TSPO: variants seen among roughly 807,000 people sequenced by gnomAD.
The protein encoded by TSPO is translocator protein, also known as benzodiazepine peripheral binding site.
A neutral mutation model predicts 13.9 loss-of-function variants in TSPO; 14 were observed. The ratio of observed to expected loss-of-function variants is 1.01; its 90% CI spans 0.67 to 1.58. The LOEUF (loss-of-function observed/expected upper bound fraction) is 1.58, where lower values mean the gene tolerates loss of function less well. TSPO is among the 40% of genes most tolerant of loss of function. The pLI is 0.00. For missense variants in TSPO, 232 were observed against 229.6 expected, an observed-to-expected ratio of 1.01 and a Z score of -0.07; for synonymous variants, 114 against 105.9, an observed-to-expected ratio of 1.08 and a Z score of -0.47.
At chr22:43,155,296 G>A (rs1601754560) in intron 1 of TSPO, among the ~76,000 whole-genome samples, 1 of 152,170 alleles carries the variant, frequency 6.6e-6, no homozygotes, top group African/African-American at 2.4e-5. Context: ...TGAACAAGGC[G>A]GTGACCGTCG....
intron 1 of TSPO, 66 bp from the exon 2 acceptor site, chr22:43,159,144 G>A: frequency 1.5e-5 from 19 of 1,273,748 alleles, no homozygotes; most frequent in Non-Finnish European, 2.0e-5. Flanking sequence ...GGGGATGCTG[G>A]AGGAGACACG....
intron 3 of TSPO, among the ~76,000 whole-genome samples, chr22:43,162,377 C>T (rs771504581): frequency 1.6e-4 from 24 of 152,192 alleles, no homozygotes; most frequent in Non-Finnish European, 2.9e-4. Context: ...CCGTCTCAGC[C>T]TCCCAAAGTG....
Position 43,159,372 on chromosome 22 carries a change from C to G in TSPO, c.134C>G (p.Pro45Arg). The change falls in exon 2 of 4, where the codon CCC (proline) becomes CGC (arginine). Residue 45 changes from proline to arginine, a missense_variant. Coordinates refer to ENST00000337554, the MANE Select transcript of TSPO (RefSeq NM_000714.6). ...CTGCAGAAGCCCTCGTGGCACCCGC[C>G]CCACTGGGTGCTGGGCCCTGTCTGG... Reference protein sequence around the residue: ...AGLQKPSWHPPHWVLGPVWGT... With the variant: ...AGLQKPSWHPRHWVLGPVWGT... 2 of 1,544,358 alleles carry G rather than the reference C, an allele frequency of 1.3e-6. No individual in the cohort carries two copies. The highest frequency in any genetic ancestry group is 1.7e-6 in the Non-Finnish European group (2 of 1,145,574).
At position 43,161,023 on chromosome 22, in the gene TSPO, G is replaced by A. The variant is rs746757983; in HGVS notation, c.183-29G>A. 1.7e-5 allele frequency: 28 copies of A among 1,600,382 alleles called. No individual in the cohort carries two copies. In the Admixed American group the frequency reaches 4.8e-4, roughly 27 times the overall value. ...CAACGCTCCTGGCCTTGTTCCTAAT[G>A]GTGCTCTGAACTGCGGCCTCTGTTT... On this transcript the variant is annotated intron_variant, in intron 2 of 3. Transcript: ENST00000337554.
At chr22:43,159,539 A>C (rs746005390) in intron 2 of TSPO, 119 bp downstream of exon 2, 260 of 1,121,372 alleles carry the variant, frequency 2.3e-4, no homozygotes, top group Non-Finnish European at 3.0e-4. Context: ...CCCCAGCCCC[A>C]TTTGGCAAGC....
At chr22:43,156,792 G>C (rs931608869) in intron 1 of TSPO, among the ~76,000 whole-genome samples, 6 of 152,188 alleles carry the variant, frequency 3.9e-5, no homozygotes, top group African/African-American at 1.4e-4. Flanking sequence ...GGTTCGGGAT[G>C]TCCACGTGTC....
intron 1 of TSPO, among the ~76,000 whole-genome samples, chr22:43,154,541 A>G (rs1003418654): frequency 1.6e-4 from 21 of 128,966 alleles, no homozygotes; most frequent in African/African-American, 5.1e-4. Flanking sequence ...TATTTTTAGT[A>G]GAGACGGGGT....
rs1321848944 is a variant in TSPO, at chr22:43,159,228, C to G, written c.-11C>G. 6.5e-7 allele frequency: 1 copy of G among 1,535,322 alleles called. No homozygotes were observed. The highest frequency in any genetic ancestry group is 8.8e-7 in the Non-Finnish European group (1 of 1,139,402). The stretch of plus-strand genomic sequence containing the variant: ...CTTTCAGAGCTCCCCTGAACAGCAG[C>G]TGCAGCAGCCATGGCCCCGCCCTGG... On this transcript the variant is annotated 5_prime_UTR_variant, in exon 2 of 4. Coordinates refer to ENST00000337554, the MANE Select transcript of TSPO (RefSeq NM_000714.6).
Position 43,159,541 on chromosome 22 carries a change from T to C in TSPO, c.182+121T>C, listed in dbSNP as rs1044995476. 21 of 1,114,266 alleles carry C rather than the reference T, an allele frequency of 1.9e-5. No homozygotes were observed. In the Admixed American group the frequency reaches 2.4e-4, roughly 12 times the overall value. 69.0% of individuals were successfully genotyped at this position (1,114,266 alleles called of 1,614,324 possible). ...CATGGCATGGTTTCCCCAGCCCCAT[T>C]TGGCAAGCCAGGGTGGGGAAGCTGT... On this transcript the variant is annotated intron_variant, in intron 2 of 3. Transcript: ENST00000337554.
At chr22:43,153,336 C>CTTT (rs1052119233) in intron 1 of TSPO, among the ~76,000 whole-genome samples, 3 of 50,746 alleles carry the variant, frequency 5.9e-5, no homozygotes, top group African/African-American at 2.0e-4. Context: ...TTTGTGTTTT[C>CTTT]TTTTTTTTTT....
At chr22:43,153,936 G>A (rs1601753501) in intron 1 of TSPO, among the ~76,000 whole-genome samples, 1 of 152,068 alleles carries the variant, frequency 6.6e-6, no homozygotes, top group African/African-American at 2.4e-5. Flanking sequence ...GTAGAGATGG[G>A]TTTCACCATG....
chr22:43,157,628 G>A (rs1222576882), intron 1 of TSPO, among the ~76,000 whole-genome samples: 4 of 152,162 alleles, frequency 2.6e-5, no homozygotes, highest in Non-Finnish European at 5.9e-5. Flanking sequence ...TCAGGAGTTT[G>A]AGACCAGCCC....
At chr22:43,154,283 C>T (rs868221033) in intron 1 of TSPO, among the ~76,000 whole-genome samples, 32 of 150,814 alleles carry the variant, frequency 2.1e-4, no homozygotes, top group African/African-American at 7.3e-4. Flanking sequence ...AGCTGGGGGT[C>T]GGGGTGGGGA....
At chr22:43,159,466 A>AT in intron 2 of TSPO, 46 bp downstream of exon 2, 1 of 1,400,796 alleles carries the variant, frequency 7.1e-7, no homozygotes, top group Non-Finnish European at 9.3e-7. Context: ...GCCCTTTGCA[A>AT]GGGGAGGCCT....
At chr22:43,160,332 A>G (rs192572690) in intron 2 of TSPO, among the ~76,000 whole-genome samples, 2 of 152,306 alleles carry the variant, frequency 1.3e-5, no homozygotes, top group South Asian at 4.1e-4. Flanking sequence ...AGTAGGTGAC[A>G]GCCGGGGCTC....
chr22:43,157,197 G>C (rs1299788413), intron 1 of TSPO, among the ~76,000 whole-genome samples: 1 of 148,872 alleles, frequency 6.7e-6, no homozygotes, highest in African/African-American at 2.6e-5. Flanking sequence ...GCCCCAGGGA[G>C]GGTGGCCTTT....
chr22:43,162,999 G>C lies in TSPO; in HGVS notation c.*8G>C. 6.3e-7 allele frequency: 1 copy of C among 1,579,604 alleles called. No individual in the cohort carries two copies. Among genetic ancestry groups the C allele is most frequent in the Non-Finnish European group, 8.6e-7 (1 of 1,163,438 alleles). ...CGGCGGCTGCCAGAGTGAGTGCCCGGCCCACCAGGGACTGCAGCTGCACCA... is the reference window on the plus strand; with the variant it reads ...CGGCGGCTGCCAGAGTGAGTGCCCGCCCCACCAGGGACTGCAGCTGCACCA... On this transcript the variant is annotated 3_prime_UTR_variant, in exon 4 of 4. Transcript: ENST00000337554.
rs772665846 is a variant in TSPO at position 43,162,850 on chromosome 22, C to T, written c.369C>T (p.Thr123=). The part of the protein sequence containing the change: ...LLVSGAAAAT[T]VAWYQVSPLA... ...TCAGTGGGGCGGCGGCAGCCACTAC[C>T]GTGGCCTGGTACCAGGTGAGCCCGC... The change falls in exon 4 of 4, where the codon ACC becomes ACT. Residue 123 remains threonine, a synonymous_variant. Coordinates refer to ENST00000337554, the MANE Select transcript of TSPO (RefSeq NM_000714.6). 2.0e-5 allele frequency: 31 copies of T among 1,585,184 alleles called. No individual in the cohort carries two copies. Among genetic ancestry groups the T allele is most frequent in the East Asian group, 1.1e-4 (5 of 43,566 alleles).
intron 1 of TSPO, among the ~76,000 whole-genome samples, chr22:43,156,466 G>A (rs915701213): frequency 2.1e-5 from 3 of 142,928 alleles, no homozygotes; most frequent in African/African-American, 5.1e-5. Flanking sequence ...CACACACTGC[G>A]TGATTCCATT....
Sources: gnomAD v4.1 joint callset for allele counts (sites outside exome capture counted in the v4.1 genomes callset) on GRCh38, gnomAD v4.1.1 for gene constraint, MANE v1.5 for transcripts, NCBI Gene and HGNC (gene_info 2026-07-23, HGNC 2026-07-21) for gene names.